The following NBEA variants were observed in gnomAD, a reference collection of about 807,000 sequenced individuals.
The protein encoded by NBEA is lysosomal-trafficking regulator 2.
NBEA carries 44 observed loss-of-function variants against 343.4 expected under a neutral mutation model. The ratio of observed to expected loss-of-function variants is 0.13; its 90% CI spans 0.10 to 0.16. NBEA has a LOEUF of 0.16. Among genes scored for constraint, NBEA ranks in the 10% least tolerant of loss-of-function variants. The probability of loss-of-function intolerance (pLI) is 1.00; values close to 1 mark genes in which losing one functional copy is unlikely to be tolerated. For synonymous variants in NBEA, 1,175 were observed against 1,238.7 expected (o/e 0.95, Z 1.08); for missense variants, 2,555 against 3,631.3 (o/e 0.70, Z 7.62).
chr13:35,635,893 G>C (rs1484522968), intron 49 of NBEA, among the ~76,000 whole-genome samples: 2 of 152,196 alleles, frequency 1.3e-5, no homozygotes, highest in Non-Finnish European at 2.9e-5. Flanking sequence ...AAATAATGCA[G>C]CTAGTCAAAG....
chr13:35,048,569 G>T lies in NBEA; in HGVS notation c.730G>T (p.Ala244Ser), dbSNP rs752593415. The T allele has an allele frequency of 6.2e-7, 1 of 1,607,624 alleles. No individual in the cohort carries two copies. Among genetic ancestry groups the T allele is most frequent in the East Asian group, 2.2e-5 (1 of 44,660 alleles). The stretch of plus-strand genomic sequence containing the variant: ...TTTTCTCATTGCCTTGTAGGCAATT[G>T]CCTTGCCTCCTATTGCAAAGTGGCC... ...NFPGCSAAAIALPPIAKWPYQ... is the reference protein window; with the variant it reads ...NFPGCSAAAISLPPIAKWPYQ... Residue 244 changes from alanine (A) to serine (S), a missense_variant, in exon 5 of 59, where the codon GCC (alanine) becomes TCC (serine). This residue lies in a region of NBEA where 185 missense variants were observed against 290.6 expected (regional missense o/e 0.64). Transcript: ENST00000379939.
intron 18 of NBEA, among the ~76,000 whole-genome samples, chr13:35,146,035 T>C (rs1376962898): frequency 6.6e-6 from 1 of 152,182 alleles, no homozygotes; most frequent in African/African-American, 2.4e-5. Flanking sequence ...TAGCTGACCA[T>C]GTATTACTTT....
chr13:35,328,595 A>G (rs912030987), intron 36 of NBEA, among the ~76,000 whole-genome samples: 1 of 151,928 alleles, frequency 6.6e-6, no homozygotes, highest in African/African-American at 2.4e-5. Flanking sequence ...CCTGGATCAA[A>G]ATGTCTCATG....
chr13:34,988,472 CTTTG>C (rs1432747119), intron 1 of NBEA, among the ~76,000 whole-genome samples: 9 of 151,250 alleles, frequency 6.0e-5, no homozygotes, highest in Admixed American at 4.6e-4. Flanking sequence ...TTTCCGGCTG[CTTTG>C]TTTACCTACT....
intron 1 of NBEA, among the ~76,000 whole-genome samples, chr13:34,976,481 C>T (rs1417978905): frequency 1.3e-5 from 2 of 152,080 alleles, no homozygotes; most frequent in Non-Finnish European, 2.9e-5. Flanking sequence ...GTACACTGGT[C>T]TGGTGATGGG....
At chr13:34,948,060 G>A (rs2059241703) in intron 1 of NBEA, among the ~76,000 whole-genome samples, 1 of 152,194 alleles carries the variant, frequency 6.6e-6, no homozygotes, top group Admixed American at 6.5e-5. Flanking sequence ...AATACGTAAT[G>A]CATTGAAGAG....
chr13:35,621,798 T>C (rs2083005248), intron 48 of NBEA, among the ~76,000 whole-genome samples: 1 of 152,240 alleles, frequency 6.6e-6, no homozygotes, highest in South Asian at 2.1e-4. Flanking sequence ...TAAACAGTTA[T>C]TATCCAATGA....
At chr13:35,253,703 T>A (rs1321136101) in intron 34 of NBEA, among the ~76,000 whole-genome samples, 3 of 152,232 alleles carry the variant, frequency 2.0e-5, no homozygotes, top group African/African-American at 7.2e-5. Context: ...CTAGATTGTC[T>A]TTGTACTACA....
intron 35 of NBEA, among the ~76,000 whole-genome samples, chr13:35,307,356 T>G (rs1409575817): frequency 6.6e-6 from 1 of 152,042 alleles, no homozygotes; most frequent in African/African-American, 2.4e-5. Context: ...ATCATATACT[T>G]TCATTGGCTT....
chr13:35,365,948 A>C (rs1425615324), intron 38 of NBEA, among the ~76,000 whole-genome samples: 1 of 151,604 alleles, frequency 6.6e-6, no homozygotes, highest in African/African-American at 2.4e-5. Flanking sequence ...CAAGTAGGTT[A>C]GTGTCATTTG....
chr13:35,074,803 AC>A (rs989354286), intron 10 of NBEA, among the ~76,000 whole-genome samples: 25 of 152,278 alleles, frequency 1.6e-4, no homozygotes, highest in Admixed American at 1.4e-3. Context: ...TCACATAGTT[AC>A]CTATTTTTTG....
chr13:35,246,295 TTTC>T (rs1427493303), intron 34 of NBEA, among the ~76,000 whole-genome samples: 2 of 152,146 alleles, frequency 1.3e-5, no homozygotes, highest in African/African-American at 4.8e-5. Flanking sequence ...AATTCAGGGA[TTTC>T]TTCTTGGTTT....
At chr13:35,576,281 T>A (rs891004319) in intron 45 of NBEA, among the ~76,000 whole-genome samples, 3 of 151,792 alleles carry the variant, frequency 2.0e-5, no homozygotes, top group Non-Finnish European at 2.9e-5. Flanking sequence ...CATGCTTGGA[T>A]AATTTTTGTA....
At chr13:35,437,813 A>G (rs747680285) in intron 39 of NBEA, among the ~76,000 whole-genome samples, 16 of 152,190 alleles carry the variant, frequency 1.1e-4, no homozygotes, top group Non-Finnish European at 1.9e-4. Context: ...GAAATGATTG[A>G]AAAAGGAGGG....
intron 39 of NBEA, among the ~76,000 whole-genome samples, chr13:35,440,115 G>C (rs2045656063): frequency 6.6e-6 from 1 of 152,118 alleles, no homozygotes; most frequent in Admixed American, 6.5e-5. Flanking sequence ...CTTGACCTTA[G>C]GTGATCCACC....
intron 1 of NBEA, among the ~76,000 whole-genome samples, chr13:34,953,188 G>A (rs1410600300): frequency 6.6e-6 from 1 of 152,084 alleles, no homozygotes; most frequent in Non-Finnish European, 1.5e-5. Context: ...GTCTTTTTAA[G>A]CTAAGCAAGT....
chr13:35,044,471 G>T (rs2152560300), intron 2 of NBEA, among the ~76,000 whole-genome samples: 1 of 152,186 alleles, frequency 6.6e-6, no homozygotes, highest in Middle Eastern at 3.4e-3. Flanking sequence ...AATATATTAA[G>T]AATAGATAAT....
chr13:35,479,401 T>G (rs1461976), intron 41 of NBEA, among the ~76,000 whole-genome samples: 3 of 151,918 alleles, frequency 2.0e-5, no homozygotes, highest in Non-Finnish European at 2.9e-5. Flanking sequence ...TGTAGCTGAA[T>G]CCTTTCAGTG....
intron 34 of NBEA, among the ~76,000 whole-genome samples, chr13:35,236,621 T>G (rs750586144): frequency 1.3e-5 from 2 of 151,378 alleles, no homozygotes; most frequent in Non-Finnish European, 2.9e-5. Flanking sequence ...TATATATTTT[T>G]TTTTTTTTGT....
Sources: allele counts gnomAD v4.1 joint callset (sites outside exome capture counted in the v4.1 genomes callset), GRCh38; gene constraint gnomAD v4.1.1; regional missense constraint gnomAD v4.1.1; transcripts MANE v1.5; gene names NCBI Gene and HGNC (gene_info 2026-07-23, HGNC 2026-07-21).